Variants in DAZAP1 observed in about 807,000 individuals in gnomAD.
DAZAP1 encodes the protein DAZ associated protein 1, also known as DAZ-associated protein 1.
DAZAP1 carries 6 observed loss-of-function variants against 60.1 expected under a neutral mutation model. The ratio of observed to expected loss-of-function variants is 0.10; its 90% confidence interval spans 0.05 to 0.20. The LOEUF (loss-of-function observed/expected upper bound fraction) is 0.20. Among genes scored for constraint, DAZAP1 ranks in the 10% least tolerant of loss-of-function variants. The pLI, the probability that DAZAP1 is intolerant of heterozygous loss-of-function variation, is 1.00. For missense variants in DAZAP1, 366 were observed against 560.4 expected (o/e 0.65, Z 3.50); for synonymous variants, 235 against 215.9 (o/e 1.09, Z -0.78).
chr19:1,423,758 C>T lies in DAZAP1; in HGVS notation c.463+1362C>T, dbSNP rs1022904545. On this transcript the variant is annotated intron_variant, in intron 6 of 11. Transcript: ENST00000233078. The surrounding 1 kb of genome is among the most constrained non-coding windows in gnomAD (Gnocchi z 6.8). ...TCTGATCTTGGGAAACTTGAGCGCG[C>T]GGGAATCTGAGGGTTGCTTCTAGAT... Among the ~76,000 whole-genome samples the T allele has an allele frequency of 3.3e-5, 5 of 152,250 alleles. No individual in the cohort carries two copies. Among genetic ancestry groups the T allele is most frequent in the African/African-American group, 9.6e-5 (4 of 41,472 alleles).
chr19:1,417,641 T>A, intron 2 of DAZAP1, 101 bp downstream of exon 2: 1 of 1,130,262 alleles, frequency 8.8e-7, no homozygotes, highest in Non-Finnish European at 1.3e-6. Context: ...TTGGATATTT[T>A]AAAGTCCTTT....
rs983617044 is a variant in DAZAP1, at chr19:1,418,220, C to T, written c.87C>T (p.Tyr29=). The T allele has an allele frequency of 1.2e-6, 2 of 1,614,050 alleles. No individual in the cohort carries two copies. The highest frequency in any genetic ancestry group is 3.3e-5 in the Admixed American group (2 of 60,016). ...TCTGAGCAGAGACTCTGCGCAGCTA[C>T]TTTTCCCAATATGGAGAAGTCGTAG... The part of the protein sequence containing the change: ...WSTTQETLRS[Y]FSQYGEVVDC... Residue 29 remains tyrosine, a synonymous_variant, in exon 3 of 12, where the codon TAC becomes TAT. Coordinates refer to ENST00000233078, the MANE Select transcript of DAZAP1 (RefSeq NM_018959.4). The surrounding 1 kb of genome is among the most constrained non-coding windows in gnomAD (Gnocchi z 5.7).
At chr19:1,407,880 G>A (rs1341933638) in intron 1 of DAZAP1, 78 bp downstream of exon 1, 1 of 1,021,354 alleles carries the variant, frequency 9.8e-7, no homozygotes, top group Non-Finnish European at 1.2e-6. Context: ...CTCAGACGCC[G>A]CCCCCCGGGG....
Position 1,423,176 on chromosome 19 carries a change from G to A in DAZAP1, c.463+780G>A, listed in dbSNP as rs139841874. Among the ~76,000 whole-genome samples, 1,518 of 152,328 alleles carry A rather than the reference G, an allele frequency of 1.0e-2. 23 individuals carry two copies. Among genetic ancestry groups the A allele is most frequent in the African/African-American group, 0.035 (1,453 of 41,566 alleles). On this transcript the variant is annotated intron_variant, in intron 6 of 11. Transcript: ENST00000233078. This position sits in a 1 kb window ranked among gnomAD's most constrained non-coding sequence, Gnocchi z 6.8. ...CAGGTCAGTCGGGGCAGCCCCGAGC[G>A]CCAGGTGGCGCCGCAGCATGCCCAC...
At chr19:1,421,032 T>A in intron 4 of DAZAP1, 116 bp from the exon 5 acceptor site, 1 of 845,634 alleles carries the variant, frequency 1.2e-6, no homozygotes, top group Non-Finnish European at 1.9e-6. Flanking sequence ...AGTGTTCTGC[T>A]CTGGCTTTCA....
intron 1 of DAZAP1, among the ~76,000 whole-genome samples, chr19:1,412,010 G>A (rs2082844840): frequency 6.6e-6 from 1 of 152,252 alleles, no homozygotes; most frequent in South Asian, 2.1e-4. Context: ...TATAGGCTGA[G>A]CTTCCAGCTT....
At chr19:1,417,472 T>C (rs2083020953) in intron 1 of DAZAP1, 28 bp from the exon 2 acceptor site, 1 of 1,593,176 alleles carries the variant, frequency 6.3e-7, no homozygotes, top group Non-Finnish European at 8.5e-7. Flanking sequence ...GCTGTCTTGA[T>C]CCTGAATGTT....
intron 1 of DAZAP1, among the ~76,000 whole-genome samples, chr19:1,408,542 C>G (rs943010274): frequency 8.5e-5 from 13 of 152,364 alleles, no homozygotes; most frequent in African/African-American, 2.4e-4. Context: ...ATCCCACCCC[C>G]CCAAAGTGGT....
chr19:1,423,070 A>G lies in DAZAP1; in HGVS notation c.463+674A>G, dbSNP rs2083205962. 6.7e-6 allele frequency among the ~76,000 whole-genome samples: 1 copy of G among 148,346 alleles called. No homozygotes were observed. The highest frequency in any genetic ancestry group is 7.5e-5 in the Admixed American group (1 of 13,288). ...CCCGCCCGCATGGTTTTGGTTCATCAGCTGCTTTTGGCCGGCCACGTGAGC... is the reference window on the plus strand; with the variant it reads ...CCCGCCCGCATGGTTTTGGTTCATCGGCTGCTTTTGGCCGGCCACGTGAGC... On this transcript the variant is annotated intron_variant, in intron 6 of 11. Coordinates refer to ENST00000233078, the MANE Select transcript of DAZAP1 (RefSeq NM_018959.4). The surrounding 1 kb of genome is among the most constrained non-coding windows in gnomAD (Gnocchi z 6.8).
At position 1,413,989 on chromosome 19, in the gene DAZAP1, CTGTGTGTGTGTGTGTGTGTGTG is replaced by C. The variant is rs3065755; in HGVS notation, c.30-3489_30-3468del. ...TGCCTCTTGCCCCACCCCCAGTGAA[CTGTGTGTGTGTGTGTGTGTGTG>C]TGTGTGTGTGTGTGTGTGTGTTTAG... is the stretch of plus-strand genomic sequence containing the variant. On this transcript the variant is annotated intron_variant, in intron 1 of 11. Coordinates refer to ENST00000233078, the MANE Select transcript of DAZAP1 (RefSeq NM_018959.4). 1.6e-3 allele frequency among the ~76,000 whole-genome samples: 210 copies of C among 130,156 alleles called. 1 individual carries two copies. The highest frequency in any genetic ancestry group is 5.6e-3 in the African/African-American group (190 of 33,972). The allele number at this position is 130,156 out of a possible 152,430, so 85.4% of individuals were successfully genotyped here. A position where few individuals can be genotyped will look rare whatever the true frequency, so the allele number is the denominator to read the frequency against.
At position 1,428,868 on chromosome 19, in the gene DAZAP1, G is replaced by T; in HGVS notation, c.573G>T (p.Arg191=). ...TGGAAGTTAAACGAGCTGAGCCTCGGGACAGCAAGAGCCAAGCGCCGGGAC... is the reference window on the plus strand; with the variant it reads ...TGGAAGTTAAACGAGCTGAGCCTCGTGACAGCAAGAGCCAAGCGCCGGGAC... ...KKVEVKRAEP[R]DSKSQAPGQP... Residue 191 remains arginine, a synonymous_variant, in exon 8 of 12, where the codon CGG becomes CGT. Coordinates refer to ENST00000233078, the MANE Select transcript of DAZAP1 (RefSeq NM_018959.4). The surrounding 1 kb of genome is among the most constrained non-coding windows in gnomAD (Gnocchi z 4.0). The T allele has an allele frequency of 6.2e-7, 1 of 1,613,166 alleles. No homozygotes were observed. The highest frequency in any genetic ancestry group is 8.5e-7 in the Non-Finnish European group (1 of 1,179,930).
chr19:1,410,495 G>A (rs2082797256), intron 1 of DAZAP1, among the ~76,000 whole-genome samples: 1 of 152,220 alleles, frequency 6.6e-6, no homozygotes, highest in African/African-American at 2.4e-5. Context: ...GAGCACGCGC[G>A]ATCAGGAAGG....
In DAZAP1 at chr19:1,416,793, A is replaced by G. The variant is rs2082997638; in HGVS notation, c.30-707A>G. 1 of 152,678 alleles carries G rather than the reference A, an allele frequency of 6.5e-6. No individual in the cohort carries two copies. The highest frequency in any genetic ancestry group is 1.5e-5 in the Non-Finnish European group (1 of 68,416). 9.5% of individuals were successfully genotyped at this position (152,678 alleles called of 1,614,324 possible). A position where few individuals can be genotyped will look rare whatever the true frequency, so the allele number is the denominator to read the frequency against. On this transcript the variant is annotated intron_variant, in intron 1 of 11. Transcript: ENST00000233078. The surrounding 1 kb of genome is among the most constrained non-coding windows in gnomAD (Gnocchi z 4.3). The stretch of plus-strand genomic sequence containing the variant: ...TCTGCCCGGAGGAGACAGCCCCAGG[A>G]CGGGGGTGGCGCGGGTCTTTGGTGG...
At chr19:1,431,765 C>G (rs115324782) in intron 10 of DAZAP1, among the ~76,000 whole-genome samples, 2,252 of 152,276 alleles carry the variant, frequency 0.015, 51 homozygotes, top group African/African-American at 0.045. Context: ...TTTCTGGGAG[C>G]CTTGCGTCCC....
In DAZAP1 at chr19:1,418,096, G is replaced by C. The variant is rs1311133230; in HGVS notation, c.71-108G>C. 5 of 1,155,716 alleles carry C rather than the reference G, an allele frequency of 4.3e-6. No individual in the cohort carries two copies. The highest frequency in any genetic ancestry group is 5.0e-6 in the Non-Finnish European group (4 of 793,816). The allele number at this position is 1,155,716 out of a possible 1,614,324, so 71.6% of individuals were successfully genotyped here. A position where few individuals can be genotyped will look rare whatever the true frequency, so the allele number is the denominator to read the frequency against. On this transcript the variant is annotated intron_variant, in intron 2 of 11. Transcript: ENST00000233078. The surrounding 1 kb of genome is among the most constrained non-coding windows in gnomAD (Gnocchi z 5.7). ...CCCCACCCCCAGTGCAGCATCGCTCGGTGCGTGGCTGGTGGACTGGAGGAG... is the reference window on the plus strand; with the variant it reads ...CCCCACCCCCAGTGCAGCATCGCTCCGTGCGTGGCTGGTGGACTGGAGGAG...
intron 1 of DAZAP1, among the ~76,000 whole-genome samples, chr19:1,415,393 T>TTG (rs1569048364): frequency 9.9e-6 from 1 of 100,844 alleles, no homozygotes; most frequent in East Asian, 3.3e-4. Context: ...GTGTGTGTTT[T>TTG]GTTTTTTTTT....
chr19:1,432,642 A>G lies in DAZAP1; in HGVS notation c.1000A>G (p.Met334Val). ...GCCTCCGTCTCAGGCTGCCCCGGAC[A>G]TGAGCAAGCCCCCGACAGCTCAGCC... ...PPPPSQAAPD[M>V]SKPPTAQPDF... The change falls in exon 11 of 12, where the codon ATG becomes GTG. Residue 334 changes from methionine (M) to valine (V), a missense_variant. Transcript: ENST00000233078. This position sits in a 1 kb window ranked among gnomAD's most constrained non-coding sequence, Gnocchi z 4.9. 1.2e-6 allele frequency: 2 copies of G among 1,613,178 alleles called. No individual in the cohort carries two copies. Among genetic ancestry groups the G allele is most frequent in the Non-Finnish European group, 8.5e-7 (1 of 1,179,800 alleles).
At chr19:1,427,627 T>G (rs1018851999) in intron 7 of DAZAP1, 2 of 152,278 alleles carry the variant, frequency 1.3e-5, no homozygotes, top group African/African-American at 4.8e-5. Flanking sequence ...CTCTGCTTTG[T>G]AAGCAGGAAC....
At chr19:1,430,484 G>C in intron 10 of DAZAP1, 122 bp downstream of exon 10, 1 of 874,060 alleles carries the variant, frequency 1.1e-6, no homozygotes, top group Admixed American at 3.8e-5. Context: ...GGTGCCGGCT[G>C]GTCAGCAGGT....
Sources: gnomAD v4.1 joint callset for allele counts (sites outside exome capture counted in the v4.1 genomes callset) on GRCh38, gnomAD v4.1.1 for gene constraint, Gnocchi (gnomAD v3.1) non-coding constraint, MANE v1.5 for transcripts, NCBI Gene and HGNC (gene_info 2026-07-23, HGNC 2026-07-21) for gene names.